The following LCOR variants were observed in gnomAD, a reference collection of about 807,000 sequenced individuals.
LCOR encodes ligand dependent nuclear receptor corepressor.
Under a neutral mutation model 64.4 loss-of-function variants are expected in LCOR, and 14 were observed. The ratio of observed to expected loss-of-function variants is 0.22; its 90% CI spans 0.14 to 0.34. The LOEUF (loss-of-function observed/expected upper bound fraction) is 0.34. LCOR is among the 10% of genes least tolerant of loss of function. The probability of loss-of-function intolerance (pLI) is 1.00; values close to 1 mark genes in which losing one functional copy is unlikely to be tolerated. For missense variants in LCOR, 1,686 were observed against 1,765.3 expected (o/e 0.96, Z 0.80); for synonymous variants, 643 against 642.5 (o/e 1.00, Z -0.01).
intron 2 of LCOR, among the ~76,000 whole-genome samples, chr10:96,873,051 A>G (rs2134408164): frequency 6.7e-6 from 1 of 148,264 alleles, no homozygotes; most frequent in Middle Eastern, 3.4e-3. Flanking sequence ...AGGGTGAGCA[A>G]AGGGCTAAAA....
intron 4 of LCOR, among the ~76,000 whole-genome samples, chr10:96,930,520 G>A (rs976906744): frequency 6.6e-6 from 1 of 152,264 alleles, no homozygotes; most frequent in African/African-American, 2.4e-5. Flanking sequence ...TATCTCACCT[G>A]TATTAGTTTT....
chr10:96,950,424 T>G (rs1342432257), intron 6 of LCOR, among the ~76,000 whole-genome samples: 1 of 152,166 alleles, frequency 6.6e-6, no homozygotes, highest in African/African-American at 2.4e-5. Flanking sequence ...TATTGATGAC[T>G]GTTTTCTTTT....
chr10:96,899,681 A>T (rs892618590), intron 2 of LCOR, among the ~76,000 whole-genome samples: 6 of 152,080 alleles, frequency 3.9e-5, no homozygotes, highest in African/African-American at 4.8e-5. Context: ...AGATACTTAA[A>T]TAAATCTTGT....
intron 4 of LCOR, among the ~76,000 whole-genome samples, chr10:96,923,891 A>G (rs933116981): frequency 6.6e-6 from 1 of 152,328 alleles, no homozygotes; most frequent in Non-Finnish European, 1.5e-5. Context: ...AGTTGTAAGC[A>G]ACTCAGAGTA....
At chr10:96,895,748 C>T (rs1846525810) in intron 2 of LCOR, among the ~76,000 whole-genome samples, 1 of 152,200 alleles carries the variant, frequency 6.6e-6, no homozygotes, top group Non-Finnish European at 1.5e-5. Context: ...GTTCACTCTG[C>T]CTAGAACATT....
At chr10:96,833,262 CCCCGCCT>C in intron 1 of LCOR, 137 bp from the exon 2 acceptor site, 1 of 958,268 alleles carries the variant, frequency 1.0e-6, no homozygotes, top group Non-Finnish European at 1.2e-6. Context: ...CCCGTCCGCC[CCCCGCCT>C]CCCGGACCTT....
intron 2 of LCOR, among the ~76,000 whole-genome samples, chr10:96,835,098 A>G (rs1294423592): frequency 6.6e-6 from 1 of 152,032 alleles, no homozygotes; most frequent in Non-Finnish European, 1.5e-5. Context: ...ACGGGGTTTC[A>G]CCATATTGGC....
chr10:96,976,812 A>G (rs1361212506), intron 7 of LCOR, among the ~76,000 whole-genome samples: 1 of 152,208 alleles, frequency 6.6e-6, no homozygotes, highest in Non-Finnish European at 1.5e-5. Context: ...CAGGCATCTC[A>G]TTAATTCCAA....
At chr10:96,936,733 CT>C (rs1013675319) in intron 4 of LCOR, among the ~76,000 whole-genome samples, 2 of 149,190 alleles carry the variant, frequency 1.3e-5, no homozygotes, top group African/African-American at 2.6e-5. Context: ...GAATCCACCC[CT>C]GGTACCTGTG....
chr10:96,920,528 GTATA>G (rs1219545765), intron 4 of LCOR, among the ~76,000 whole-genome samples: 2 of 142,040 alleles, frequency 1.4e-5, no homozygotes, highest in Non-Finnish European at 3.0e-5. Context: ...AGATATATGT[GTATA>G]TATGTATGTA....
intron 4 of LCOR, among the ~76,000 whole-genome samples, chr10:96,936,005 T>C (rs901168250): frequency 3.9e-5 from 6 of 152,194 alleles, no homozygotes; most frequent in African/African-American, 1.4e-4. Flanking sequence ...CTATTAAATG[T>C]TTGTTTATTT....
chr10:96,906,648 T>G (rs1391382670), intron 2 of LCOR, among the ~76,000 whole-genome samples: 3 of 151,876 alleles, frequency 2.0e-5, no homozygotes, highest in African/African-American at 7.3e-5. Context: ...GTATATTTGA[T>G]TTTTTTCTCT....
intron 2 of LCOR, among the ~76,000 whole-genome samples, chr10:96,854,645 T>A (rs1845773685): frequency 6.6e-6 from 1 of 152,160 alleles, no homozygotes; most frequent in South Asian, 2.1e-4. Context: ...CATATTCATG[T>A]CAGTAGGTAT....
At chr10:96,929,008 T>C (rs1157425364) in intron 4 of LCOR, among the ~76,000 whole-genome samples, 1 of 152,208 alleles carries the variant, frequency 6.6e-6, no homozygotes, top group African/African-American at 2.4e-5. Flanking sequence ...TAAACCATAA[T>C]ATAAACACAT....
At chr10:96,966,163 C>CTT (rs57378535) in intron 7 of LCOR, among the ~76,000 whole-genome samples, 2,730 of 90,000 alleles carry the variant, frequency 0.03, 132 homozygotes, top group African/African-American at 0.091. Flanking sequence ...AAAATGGAAA[C>CTT]TTTTTTTTTT....
intron 2 of LCOR, among the ~76,000 whole-genome samples, chr10:96,841,580 C>T (rs1023854079): frequency 3.3e-5 from 5 of 151,814 alleles, no homozygotes; most frequent in African/African-American, 4.8e-5. Flanking sequence ...AGGCTGGTCT[C>T]GAACTCCTGA....
At chr10:96,898,993 T>C (rs759703006) in intron 2 of LCOR, among the ~76,000 whole-genome samples, 7 of 152,154 alleles carry the variant, frequency 4.6e-5, no homozygotes, top group Non-Finnish European at 8.8e-5. Flanking sequence ...ATGACCGGAA[T>C]ACTTGGTGAT....
At chr10:96,969,478 A>G (rs916920806) in intron 7 of LCOR, among the ~76,000 whole-genome samples, 2 of 146,166 alleles carry the variant, frequency 1.4e-5, no homozygotes, top group African/African-American at 4.9e-5. Flanking sequence ...AAAGTTAACT[A>G]TGTGCATTTC....
Position 96,984,911 on chromosome 10 carries a change from A to C in LCOR, c.4451A>C (p.Gln1484Pro). 6.2e-7 allele frequency: 1 copy of C among 1,613,914 alleles called. No homozygotes were observed. Among genetic ancestry groups the C allele is most frequent in the South Asian group, 1.1e-5 (1 of 91,064 alleles). Reference sequence around the variant, plus strand: ...GAGAATACAAACAAAAGGCCTTCCCAGTCTATTGCCTCGGAAACACTGACG... The same window carrying C: ...GAGAATACAAACAAAAGGCCTTCCCCGTCTATTGCCTCGGAAACACTGACG... ...EKENTNKRPS[Q>P]SIASETLTKP... Residue 1484 changes from glutamine (Q) to proline (P), a missense_variant, in exon 8 of 8, where the codon CAG (glutamine) becomes CCG (proline). Physicochemically the swap from Gln to Pro is moderately conservative, Grantham distance 76. Around this residue, in one of 3 missense-constraint regions of LCOR, gnomAD observed 1,293 missense variants for 1,410.4 expected, o/e 0.92. Transcript: ENST00000421806.
Sources: allele counts gnomAD v4.1 joint callset (sites outside exome capture counted in the v4.1 genomes callset), GRCh38; gene constraint gnomAD v4.1.1; regional missense constraint gnomAD v4.1.1; transcripts MANE v1.5; gene names NCBI Gene and HGNC (gene_info 2026-07-23, HGNC 2026-07-21).